The following RPGR variants were observed in gnomAD, a reference collection of about 807,000 sequenced individuals.
RPGR encodes the protein X-linked retinitis pigmentosa GTPase regulator.
A neutral mutation model predicts 56.3 loss-of-function variants in RPGR; 10 were observed. The ratio of observed to expected loss-of-function variants is 0.18; its 90% CI spans 0.11 to 0.30. The LOEUF is 0.30. Ranked by LOEUF, RPGR falls within the 10% of genes least tolerant of loss-of-function variation. The pLI is 1.00. For missense variants in RPGR, 538 were observed against 590.9 expected, an observed-to-expected ratio of 0.91 and a Z score of 0.93; for synonymous variants, 197 against 212.9, an observed-to-expected ratio of 0.93 and a Z score of 0.65.
At chrX:38,310,548 G>T in intron 7 of RPGR, 67 bp downstream of exon 7, 2 of 1,076,460 alleles carry the variant, frequency 1.9e-6, no homozygotes, top group Non-Finnish European at 2.6e-6. Context: ...TAAAAAAAAT[G>T]AACATTAAAA....
intron 18 of RPGR, chrX:38,269,855 A>T (rs772129849): frequency 6.0e-5 from 63 of 1,056,801 alleles, no homozygotes; most frequent in Non-Finnish European, 8.3e-5. Flanking sequence ...CCACACACAC[A>T]AATATTCATT....
At chrX:38,296,364 G>C (rs901212977) in intron 11 of RPGR, among the ~76,000 whole-genome samples, 2 of 111,345 alleles carry the variant, frequency 1.8e-5, no homozygotes, top group African/African-American at 6.5e-5. Context: ...TGTGTCATTG[G>C]AACAATAATT....
chrX:38,273,982 T>C (rs2301276), intron 17 of RPGR: 1 of 111,243 alleles, frequency 9.0e-6, no homozygotes, highest in South Asian at 3.8e-4. Context: ...AGAATACTTA[T>C]AGGTGATACA....
At chrX:38,275,164 G>C (rs2066911937) in intron 16 of RPGR, 1 of 1,179,201 alleles carries the variant, frequency 8.5e-7, no homozygotes, top group African/African-American at 1.8e-5. Context: ...CAATAACAAA[G>C]CAATATAACA....
At chrX:38,276,574 T>A in intron 16 of RPGR, 1 of 1,206,723 alleles carries the variant, frequency 8.3e-7, no homozygotes, top group Non-Finnish European at 1.1e-6. Flanking sequence ...GATTTAAGCA[T>A]CTATCATCAT....
chrX:38,316,030 TA>T (rs1283274395), intron 6 of RPGR, among the ~76,000 whole-genome samples: 15 of 111,043 alleles, frequency 1.4e-4, no homozygotes, highest in African/African-American at 4.2e-4. Flanking sequence ...ACATATTAAG[TA>T]AAACCCCTTA....
intron 11 of RPGR, among the ~76,000 whole-genome samples, chrX:38,293,069 G>A (rs1444490839): frequency 8.9e-6 from 1 of 112,152 alleles, no homozygotes; most frequent in Non-Finnish European, 1.9e-5. Flanking sequence ...TTAAGTTTCA[G>A]TGACCGTTGG....
intron 15 of RPGR, among the ~76,000 whole-genome samples, chrX:38,282,627 T>C (rs2067052474): frequency 8.9e-6 from 1 of 112,029 alleles, no homozygotes; most frequent in Admixed American, 9.5e-5. Context: ...GTACTCTTTC[T>C]ACTCAGTTCT....
rs190436490 is a variant in RPGR, at chrX:38,313,443, G to T, written c.620-2670C>A. ...TCAATCACTGGGCCTGTAACATGGG[G>T]ATAAAAGTGCCTATGTGATAGGGTT... On this transcript the variant is annotated intron_variant, in intron 6 of 18. Transcript: ENST00000642395. Among the ~76,000 whole-genome samples the T allele has an allele frequency of 7.1e-5, 8 of 111,992 alleles. No individual in the cohort carries two copies. In the East Asian group the frequency reaches 2.2e-3, roughly 31 times the overall value.
chrX:38,297,580 ACTT>A lies in RPGR; in HGVS notation c.1246-131_1246-129del, dbSNP rs1377189737. The A allele has an allele frequency of 3.9e-5, 21 of 541,033 alleles. No individual in the cohort carries two copies. The East Asian group carries it at 7.2e-4, about 19-fold the overall frequency. 44.6% of individuals were successfully genotyped at this position (541,033 alleles called of 1,213,427 possible). On this transcript the variant is annotated intron_variant, in intron 10 of 18. Transcript: ENST00000642395. Reference sequence around the variant, plus strand: ...AGTATGCCAACACTCCACAACATTTACTTCTTAATAATCCCCAAAGGCTCAAAA... The same window carrying A: ...AGTATGCCAACACTCCACAACATTTACTTAATAATCCCCAAAGGCTCAAAA...
At chrX:38,303,262 G>A (rs1459899732) in intron 8 of RPGR, among the ~76,000 whole-genome samples, 2 of 110,251 alleles carry the variant, frequency 1.8e-5, no homozygotes, top group Non-Finnish European at 3.8e-5. Context: ...GCTATAATGG[G>A]GAACTGGCAA....
intron 8 of RPGR, among the ~76,000 whole-genome samples, chrX:38,301,969 AC>A (rs2067509549): frequency 9.0e-6 from 1 of 111,600 alleles, no homozygotes; most frequent in Non-Finnish European, 1.9e-5. Flanking sequence ...TGGGGGATGC[AC>A]AAAATCTCTA....
chrX:38,300,597 C>T (rs2067484685), intron 9 of RPGR, among the ~76,000 whole-genome samples: 1 of 111,459 alleles, frequency 9.0e-6, no homozygotes, highest in Admixed American at 9.5e-5. Flanking sequence ...TGCAGTGACA[C>T]GACCTCAGCT....
chrX:38,278,159 T>C (rs17246798), intron 15 of RPGR, among the ~76,000 whole-genome samples: 17,641 of 111,629 alleles, frequency 0.16, 1,266 homozygotes, highest in Middle Eastern at 0.28. Context: ...CAAATGATGA[T>C]TGATTAGACT....
intron 18 of RPGR, chrX:38,273,325 T>G (rs982876973): frequency 1.1e-6 from 1 of 944,113 alleles, no homozygotes; most frequent in Non-Finnish European, 1.5e-6. Context: ...GATTGCCATA[T>G]GAAAAGTAAA....
rs942316433 is a variant in RPGR at position 38,276,513 on chromosome X, C to A, written c.2091+74G>T. 4.5e-5 allele frequency: 46 copies of A among 1,030,299 alleles called. No homozygotes were observed. The African/African-American group carries it at 7.3e-4, about 16-fold the overall frequency. 84.9% of individuals were successfully genotyped at this position (1,030,299 alleles called of 1,213,427 possible). On this transcript the variant is annotated intron_variant, in intron 16 of 18. Coordinates refer to ENST00000642395, the MANE Select transcript of RPGR (RefSeq NM_000328.3). ...TTCTGATCCCAAAGGCAACTGGAAT[C>A]TGTCCTCTGCAGAAACTAGAGAACC...
At chrX:38,289,345 G>A (rs2067245128) in intron 13 of RPGR, among the ~76,000 whole-genome samples, 1 of 111,513 alleles carries the variant, frequency 9.0e-6, no homozygotes, top group Non-Finnish European at 1.9e-5. Context: ...GAACACTAAG[G>A]AAAGAATATT....
chrX:38,316,045 T>G (rs1322026345), intron 6 of RPGR, among the ~76,000 whole-genome samples: 6 of 111,099 alleles, frequency 5.4e-5, no homozygotes, highest in Non-Finnish European at 9.4e-5. Flanking sequence ...CCCCTTATAC[T>G]TGAGTTATTT....
Position 38,284,913 on chromosome X carries a change from C to G in RPGR, c.1905+2181G>C, listed in dbSNP as rs751192020. On this transcript the variant is annotated intron_variant, in intron 15 of 18. Transcript: ENST00000642395. ...TTCATTAGATATACTACCATCTGCC[C>G]AGATAGTAACTAAAAGAGATCACGT... The G allele has an allele frequency of 9.4e-6, 7 of 748,128 alleles. No homozygotes were observed. In the East Asian group the frequency reaches 7.6e-4, roughly 81 times the overall value. 61.7% of individuals were successfully genotyped at this position (748,128 alleles called of 1,213,427 possible).
Sources: gnomAD v4.1 joint callset for allele counts (sites outside exome capture counted in the v4.1 genomes callset) on GRCh38, gnomAD v4.1.1 for gene constraint, MANE v1.5 for transcripts, NCBI Gene and HGNC (gene_info 2026-07-23, HGNC 2026-07-21) for gene names.